The following DGKB variants were observed in gnomAD, a reference collection of about 807,000 sequenced individuals.
DGKB encodes the protein 90 kDa diacylglycerol kinase.
A neutral mutation model predicts 114.3 loss-of-function variants in DGKB; 67 were observed. The ratio of observed to expected loss-of-function variants is 0.59; its 90% confidence interval spans 0.48 to 0.72. The LOEUF (loss-of-function observed/expected upper bound fraction) is 0.72, where lower values mean the gene tolerates loss of function less well. Ranked by LOEUF, DGKB falls within the 30% of genes least tolerant of loss-of-function variation. The pLI is 0.00. For missense variants in DGKB, 907 were observed against 975.2 expected (o/e 0.93, Z 0.93); for synonymous variants, 398 against 323.1 (o/e 1.23, Z -2.49).
At chr7:14,912,193 T>A (rs1275743828) in intron 1 of DGKB, among the ~76,000 whole-genome samples, 1 of 152,174 alleles carries the variant, frequency 6.6e-6, no homozygotes, top group Non-Finnish European at 1.5e-5. Flanking sequence ...TATGCAAAGC[T>A]GTTGGAGGTG....
chr7:14,724,273 G>T (rs935425800), intron 5 of DGKB, among the ~76,000 whole-genome samples: 2 of 152,060 alleles, frequency 1.3e-5, no homozygotes, highest in Non-Finnish European at 2.9e-5. Context: ...AAAAATAGTT[G>T]ATATTAGTAT....
intron 20 of DGKB, among the ~76,000 whole-genome samples, chr7:14,499,222 T>C (rs925138385): frequency 2.6e-5 from 4 of 151,738 alleles, no homozygotes; most frequent in African/African-American, 9.7e-5. Context: ...CTGCCCCTTT[T>C]ACTGCTTTTT....
At chr7:14,395,425 A>G (rs1822060475) in intron 21 of DGKB, among the ~76,000 whole-genome samples, 1 of 152,016 alleles carries the variant, frequency 6.6e-6, no homozygotes, top group Non-Finnish European at 1.5e-5. Context: ...TAAACCTGTT[A>G]CACAATATTT....
At chr7:14,946,554 A>T (rs1413984046) in intron 1 of DGKB, among the ~76,000 whole-genome samples, 1 of 151,782 alleles carries the variant, frequency 6.6e-6, no homozygotes, top group African/African-American at 2.4e-5. Flanking sequence ...TAGTTCAATA[A>T]CAGCATCCTT....
chr7:14,820,876 G>C (rs556195678), intron 2 of DGKB, among the ~76,000 whole-genome samples: 3 of 152,134 alleles, frequency 2.0e-5, no homozygotes, highest in African/African-American at 7.2e-5. Flanking sequence ...GCTGGACCCA[G>C]AGAACTGCAT....
chr7:14,311,664 G>T (rs1805414948), intron 23 of DGKB, among the ~76,000 whole-genome samples: 2 of 152,104 alleles, frequency 1.3e-5, no homozygotes, highest in Non-Finnish European at 2.9e-5. Context: ...GGGCTCAAGT[G>T]ATGTGCCCAC....
intron 22 of DGKB, among the ~76,000 whole-genome samples, chr7:14,343,738 A>C (rs1034845901): frequency 3.0e-4 from 46 of 151,230 alleles, no homozygotes; most frequent in African/African-American, 1.1e-3. Context: ...AGGATAAGAA[A>C]TATTCAAAAT....
chr7:14,524,540 G>A (rs1790318954), intron 20 of DGKB, among the ~76,000 whole-genome samples: 3 of 152,154 alleles, frequency 2.0e-5, no homozygotes, highest in South Asian at 2.1e-4. Flanking sequence ...TGGAGCACCT[G>A]AGGTCAGGAG....
At chr7:14,335,074 CTAAAG>C in intron 23 of DGKB, among the ~76,000 whole-genome samples, 1 of 152,108 alleles carries the variant, frequency 6.6e-6, no homozygotes, top group East Asian at 1.9e-4. Context: ...TTTGTCAACT[CTAAAG>C]TAAGTCAACA....
intron 20 of DGKB, among the ~76,000 whole-genome samples, chr7:14,559,372 G>T (rs1209958047): frequency 6.6e-6 from 1 of 152,092 alleles, no homozygotes; most frequent in East Asian, 1.9e-4. Flanking sequence ...CATTTTGGAG[G>T]AAGGGGGCAC....
At chr7:14,233,194 C>T (rs1792185969) in intron 23 of DGKB, among the ~76,000 whole-genome samples, 1 of 151,926 alleles carries the variant, frequency 6.6e-6, no homozygotes, top group Non-Finnish European at 1.5e-5. Flanking sequence ...AAGCTATGCA[C>T]AGGCAAAGAA....
chr7:14,314,742 G>C (rs1260857312), intron 23 of DGKB, among the ~76,000 whole-genome samples: 6 of 151,656 alleles, frequency 4.0e-5, no homozygotes. Flanking sequence ...CCCCAATCTA[G>C]CAAGGCAGGC....
intron 1 of DGKB, among the ~76,000 whole-genome samples, chr7:14,948,345 C>G (rs577863831): frequency 9.9e-5 from 15 of 151,888 alleles, no homozygotes; most frequent in African/African-American, 3.4e-4. Context: ...TTGTCAGACA[C>G]AACTAAGCCT....
At chr7:14,617,393 C>T (rs1806743477) in intron 15 of DGKB, among the ~76,000 whole-genome samples, 1 of 151,626 alleles carries the variant, frequency 6.6e-6, no homozygotes, top group Non-Finnish European at 1.5e-5. Flanking sequence ...GTCAATTCAT[C>T]AGCATATCTT....
intron 23 of DGKB, among the ~76,000 whole-genome samples, chr7:14,267,425 C>T (rs1797671407): frequency 6.6e-6 from 1 of 151,916 alleles, no homozygotes; most frequent in Non-Finnish European, 1.5e-5. Context: ...AGATGACTAG[C>T]CCAATTGCTG....
chr7:14,441,831 T>G (rs1221851724), intron 21 of DGKB, among the ~76,000 whole-genome samples: 1 of 152,066 alleles, frequency 6.6e-6, no homozygotes, highest in Non-Finnish European at 1.5e-5. Flanking sequence ...ATTATTTTTA[T>G]ATATGTTCTC....
chr7:14,546,683 T>C (rs556013184), intron 20 of DGKB, among the ~76,000 whole-genome samples: 32 of 152,252 alleles, frequency 2.1e-4, no homozygotes, highest in Non-Finnish European at 2.6e-4. Context: ...GAAAGAGAAA[T>C]TGAATCCAGA....
At chr7:14,254,765 T>C (rs1795722391) in intron 23 of DGKB, among the ~76,000 whole-genome samples, 1 of 152,148 alleles carries the variant, frequency 6.6e-6, no homozygotes, top group Admixed American at 6.6e-5. Flanking sequence ...AATGCAGCAG[T>C]GTGTGATCAA....
At chr7:14,321,708 T>C (rs902636895) in intron 23 of DGKB, among the ~76,000 whole-genome samples, 1 of 152,038 alleles carries the variant, frequency 6.6e-6, no homozygotes, top group Non-Finnish European at 1.5e-5. Context: ...AGTCTATAGA[T>C]ACAGTATTAG....
Sources: gnomAD v4.1 joint callset for allele counts (sites outside exome capture counted in the v4.1 genomes callset) on GRCh38, gnomAD v4.1.1 for gene constraint, MANE v1.5 for transcripts, NCBI Gene and HGNC (gene_info 2026-07-23, HGNC 2026-07-21) for gene names.